The following DYNC2I1 variants were observed in gnomAD, a reference collection of about 807,000 sequenced individuals.
The protein encoded by DYNC2I1 is dynein 2 intermediate chain 1.
Under a neutral mutation model 133.4 loss-of-function variants are expected in DYNC2I1, and 89 were observed. The observed-to-expected ratio is 0.67, with a 90% CI of 0.56 to 0.80. The LOEUF (loss-of-function observed/expected upper bound fraction) is 0.80. Ranked by LOEUF, DYNC2I1 falls within the 30% of genes least tolerant of loss-of-function variation. The pLI is 0.00. For missense variants in DYNC2I1, 1,291 were observed against 1,314.5 expected (o/e 0.98, Z 0.28); for synonymous variants, 504 against 484.3 (o/e 1.04, Z -0.54).
chr7:158,885,303 G>T (rs114130997), intron 6 of DYNC2I1, among the ~76,000 whole-genome samples: 43 of 151,774 alleles, frequency 2.8e-4, no homozygotes, highest in African/African-American at 1.0e-3. Flanking sequence ...TTCCTGTCTC[G>T]TGTGGGTTTT....
At chr7:158,908,798 A>G (rs1585114473) in intron 11 of DYNC2I1, among the ~76,000 whole-genome samples, 1 of 152,152 alleles carries the variant, frequency 6.6e-6, no homozygotes, top group Admixed American at 6.5e-5. Context: ...GCCACAGGAA[A>G]TACCTGTCGG....
chr7:158,921,489 C>T (rs1242469847), intron 15 of DYNC2I1, among the ~76,000 whole-genome samples: 1 of 152,120 alleles, frequency 6.6e-6, no homozygotes, highest in Admixed American at 6.5e-5. Flanking sequence ...TCACAGCACT[C>T]GAGAACCTCA....
At chr7:158,872,766 G>A (rs964431583) in intron 3 of DYNC2I1, among the ~76,000 whole-genome samples, 1 of 152,128 alleles carries the variant, frequency 6.6e-6, no homozygotes, top group African/African-American at 2.4e-5. Context: ...GGAGGCCGAG[G>A]TGGGCAGATC....
chr7:158,869,985 C>A, intron 2 of DYNC2I1, 77 bp downstream of exon 2: 1 of 1,275,742 alleles, frequency 7.8e-7, no homozygotes, highest in Non-Finnish European at 1.1e-6. Flanking sequence ...ACCTGGTACA[C>A]AACACTGTAT....
chr7:158,935,442 AT>A (rs1356397388), intron 23 of DYNC2I1, among the ~76,000 whole-genome samples: 2 of 152,286 alleles, frequency 1.3e-5, no homozygotes, highest in Non-Finnish European at 2.9e-5. Flanking sequence ...GCATTAAGTT[AT>A]AACTCAGATA....
At chr7:158,893,963 C>T (rs577064024) in intron 8 of DYNC2I1, among the ~76,000 whole-genome samples, 47 of 152,080 alleles carry the variant, frequency 3.1e-4, no homozygotes, top group African/African-American at 1.1e-3. Context: ...TACTGCATAT[C>T]ATACTGCATA....
chr7:158,952,721 C>CA (rs1172809020), intron 4 of DYNC2I1, among the ~76,000 whole-genome samples: 26 of 151,484 alleles, frequency 1.7e-4, no homozygotes, highest in Admixed American at 7.2e-4. Flanking sequence ...CATCGTAAGA[C>CA]AGAGTCCGCA....
At chr7:158,916,026 T>TCAACACG in intron 14 of DYNC2I1, among the ~76,000 whole-genome samples, 6 of 80,532 alleles carry the variant, frequency 7.5e-5, no homozygotes, top group African/African-American at 8.5e-5. Flanking sequence ...TTGTGAAACG[T>TCAACACG]CTACACGCTG....
At chr7:158,894,070 T>C (rs968217085) in intron 8 of DYNC2I1, among the ~76,000 whole-genome samples, 2 of 91,190 alleles carry the variant, frequency 2.2e-5, no homozygotes, top group Non-Finnish European at 4.7e-5. Flanking sequence ...ACACCACATA[T>C]CATACCACAT....
chr7:158,955,023 T>C (rs1242355773), intron 4 of DYNC2I1, among the ~76,000 whole-genome samples: 1 of 152,092 alleles, frequency 6.6e-6, no homozygotes, highest in Non-Finnish European at 1.5e-5. Flanking sequence ...TCCTTCACTG[T>C]TGGGTATTTT....
chr7:158,901,682 G>A, intron 8 of DYNC2I1, 57 bp from the exon 9 acceptor site: 1 of 1,071,068 alleles, frequency 9.3e-7, no homozygotes, highest in Non-Finnish European at 1.4e-6. Flanking sequence ...CAATCTATTT[G>A]CAATATTCAA....
intron 23 of DYNC2I1, 111 bp from the exon 24 acceptor site, chr7:158,941,814 C>A: frequency 7.8e-7 from 1 of 1,279,678 alleles, no homozygotes; most frequent in Non-Finnish European, 1.1e-6. Context: ...GGAGGTCAAG[C>A]TGCCATGAGC....
chr7:158,919,062 T>G (rs1227573484), intron 15 of DYNC2I1, among the ~76,000 whole-genome samples, 193 bp downstream of exon 15: 1 of 152,210 alleles, frequency 6.6e-6, no homozygotes, highest in African/African-American at 2.4e-5. Context: ...AATTTGTGAT[T>G]AAGGATTTTA....
chr7:158,952,781 G>A (rs2657343), intron 4 of DYNC2I1, among the ~76,000 whole-genome samples: 88,313 of 138,410 alleles, frequency 0.64, 28,666 homozygotes, highest in Non-Finnish European at 0.67. Flanking sequence ...CCCCAGCCGC[G>A]TCGTAAGACA....
chr7:158,912,066 C>T (rs1382700163), intron 12 of DYNC2I1, among the ~76,000 whole-genome samples: 1 of 152,198 alleles, frequency 6.6e-6, no homozygotes, highest in Non-Finnish European at 1.5e-5. Flanking sequence ...ACTCCACCTC[C>T]TGGGTTCAAG....
rs555563969 is a variant in DYNC2I1 at position 158,912,609 on chromosome 7, A to G, written c.1591-376A>G. On this transcript the variant is annotated intron_variant, in intron 12 of 24. Coordinates refer to ENST00000407559, the MANE Select transcript of DYNC2I1 (RefSeq NM_018051.5). Reference sequence around the variant, plus strand: ...GCTGATTCACTCTGACCTTAAGTAGATTATTTATCTTTGGTGGTTTTCCTC... The same window carrying G: ...GCTGATTCACTCTGACCTTAAGTAGGTTATTTATCTTTGGTGGTTTTCCTC... 1.1e-4 allele frequency among the ~76,000 whole-genome samples: 17 copies of G among 152,232 alleles called. 1 individual carries two copies. Among genetic ancestry groups the G allele is most frequent in the African/African-American group, 3.8e-4 (16 of 41,560 alleles).
intron 1 of DYNC2I1, among the ~76,000 whole-genome samples, chr7:158,867,719 C>T (rs758360381): frequency 8.5e-5 from 13 of 152,110 alleles, no homozygotes; most frequent in Non-Finnish European, 1.9e-4. Flanking sequence ...GCCCTTCTGA[C>T]GTGTGGGCTG....
chr7:158,865,678 G>A (rs1458081512), intron 1 of DYNC2I1, among the ~76,000 whole-genome samples: 1 of 152,168 alleles, frequency 6.6e-6, no homozygotes, highest in Non-Finnish European at 1.5e-5. Context: ...TTCCACTCCT[G>A]GGAGTGCTGG....
At chr7:158,931,494 C>A (rs1346014987) in intron 21 of DYNC2I1, among the ~76,000 whole-genome samples, 1 of 152,226 alleles carries the variant, frequency 6.6e-6, no homozygotes, top group East Asian at 1.9e-4. Flanking sequence ...GGTTCCTGGG[C>A]AAGCCCCTGA....
Sources: allele counts gnomAD v4.1 joint callset (sites outside exome capture counted in the v4.1 genomes callset), GRCh38; gene constraint gnomAD v4.1.1; transcripts MANE v1.5; gene names NCBI Gene and HGNC (gene_info 2026-07-23, HGNC 2026-07-21).